Variants in COPB2 observed in about 807,000 individuals in gnomAD.
COPB2 encodes the protein coatomer subunit beta'.
Under a neutral mutation model 120.8 loss-of-function variants are expected in COPB2, and 16 were observed. That is an observed-to-expected ratio of 0.13 (90% CI 0.09 to 0.20). The LOEUF (loss-of-function observed/expected upper bound fraction) is 0.20. Among genes scored for constraint, COPB2 ranks in the 10% least tolerant of loss-of-function variants. COPB2 has a pLI of 1.00. For synonymous variants in COPB2, 332 were observed against 366.3 expected (o/e 0.91, Z 1.07); for missense variants, 794 against 1,076.5 (o/e 0.74, Z 3.67).
Position 139,357,976 on chromosome 3 carries a change from A to G in COPB2, c.2626-18T>C. On this transcript the variant is annotated intron_variant, in intron 21 of 21. Coordinates refer to ENST00000333188, the MANE Select transcript of COPB2 (RefSeq NM_004766.3). Reference sequence around the variant, plus strand: ...AGTAAACTCTGCAGACAAAAGGAAGAGGGTAATTAAGTTTTACAGTACTGT... The same window carrying G: ...AGTAAACTCTGCAGACAAAAGGAAGGGGGTAATTAAGTTTTACAGTACTGT... 2 of 1,456,528 alleles carry G rather than the reference A, an allele frequency of 1.4e-6. No individual in the cohort carries two copies. Among genetic ancestry groups the G allele is most frequent in the Non-Finnish European group, 1.9e-6 (2 of 1,050,604 alleles). The allele number at this position is 1,456,528 out of a possible 1,614,324, so 90.2% of individuals were successfully genotyped here.
At chr3:139,359,390 T>C (rs1941367456) in intron 17 of COPB2, 28 bp from the exon 18 acceptor site, 1 of 1,598,646 alleles carries the variant, frequency 6.3e-7, no homozygotes, top group South Asian at 1.1e-5. Flanking sequence ...GAGGTACTGT[T>C]ACCAAGAATA....
rs1941356175 is a variant in COPB2 at position 139,359,030 on chromosome 3, G to A, written c.2452C>T (p.Leu818=). 1.2e-6 allele frequency: 2 copies of A among 1,613,832 alleles called. No homozygotes were observed. Among genetic ancestry groups the A allele is most frequent in the African/African-American group, 1.3e-5 (1 of 75,020 alleles). Residue 818 remains leucine (L), a synonymous_variant, in exon 19 of 22, where the codon CTG becomes TTG. Coordinates refer to ENST00000333188, the MANE Select transcript of COPB2 (RefSeq NM_004766.3). ...EEWVKETHAD[L]WPAKQYPLVT... The stretch of plus-strand genomic sequence containing the variant: ...AGTGGGTATTGTTTGGCTGGCCACA[G>A]ATCAGCATGTGTTTCCTTCACCCAT...
intron 7 of COPB2, 28 bp downstream of exon 7, chr3:139,374,461 C>G: frequency 6.3e-7 from 1 of 1,578,018 alleles, no homozygotes; most frequent in South Asian, 1.1e-5. Flanking sequence ...GTTACTAGCA[C>G]AGGAATAAAC....
chr3:139,360,227 TAAA>T (rs1363755710), intron 17 of COPB2, among the ~76,000 whole-genome samples: 1 of 149,520 alleles, frequency 6.7e-6, no homozygotes, highest in Non-Finnish European at 1.5e-5. Flanking sequence ...AGGAGAAGGT[TAAA>T]GAATACTTTC....
intron 2 of COPB2, chr3:139,382,086 A>G (rs1433028388): frequency 6.6e-6 from 1 of 152,234 alleles, no homozygotes; most frequent in Non-Finnish European, 1.5e-5. Context: ...GATACAGCAG[A>G]AAACAAAATG....
At chr3:139,374,298 CGATGATGATGATGATGAT>C (rs59409399) in intron 7 of COPB2, 173 bp downstream of exon 7, 1 of 494,550 alleles carries the variant, frequency 2.0e-6, no homozygotes, top group Non-Finnish European at 3.7e-6. Context: ...AGAATGATGA[CGATGATGATGATGATGAT>C]GATGATGATG....
At chr3:139,376,418 T>C (rs987288095) in intron 5 of COPB2, among the ~76,000 whole-genome samples, 7 of 152,214 alleles carry the variant, frequency 4.6e-5, no homozygotes, top group African/African-American at 1.7e-4. Flanking sequence ...GGAGGCCCTG[T>C]GGGGAGTATA....
intron 13 of COPB2, among the ~76,000 whole-genome samples, chr3:139,367,654 A>C (rs188567822): frequency 3.1e-4 from 47 of 152,312 alleles, no homozygotes; most frequent in South Asian, 8.3e-4. Flanking sequence ...AAACAGAAAA[A>C]AAAACAAAAC....
chr3:139,382,572 G>T (rs1576379267), intron 2 of COPB2: 1 of 152,168 alleles, frequency 6.6e-6, no homozygotes, highest in African/African-American at 2.4e-5. Flanking sequence ...TTTACTTCTG[G>T]CTTTGGTTCC....
chr3:139,361,873 A>G (rs1941425556), intron 16 of COPB2, among the ~76,000 whole-genome samples: 1 of 152,220 alleles, frequency 6.6e-6, no homozygotes, highest in South Asian at 2.1e-4. Flanking sequence ...CATTTCTCCC[A>G]CTTGAGCCTC....
At chr3:139,361,023 C>G in intron 17 of COPB2, 58 bp downstream of exon 17, 4 of 1,567,498 alleles carry the variant, frequency 2.6e-6, no homozygotes, top group Non-Finnish European at 3.5e-6. Flanking sequence ...TTCTTCACTT[C>G]CCTCTCCAAA....
At chr3:139,383,202 T>C (rs1941846599) in intron 2 of COPB2, 96 bp downstream of exon 2, 8 of 1,410,984 alleles carry the variant, frequency 5.7e-6, no homozygotes, top group African/African-American at 2.8e-5. Flanking sequence ...AGTTTGCATA[T>C]AGATTCTGGA....
chr3:139,388,345 G>A (rs1941967292), intron 1 of COPB2: 1 of 148,546 alleles, frequency 6.7e-6, no homozygotes, highest in Admixed American at 6.8e-5. Flanking sequence ...ACGCAAATCC[G>A]TGAAGCGTTC....
intron 5 of COPB2, among the ~76,000 whole-genome samples, chr3:139,377,072 T>C (rs1465361376): frequency 3.1e-5 from 2 of 63,924 alleles, no homozygotes; most frequent in Non-Finnish European, 1.4e-4. Context: ...AATATTATGA[T>C]AAAAAAAAGA....
At chr3:139,386,186 T>C (rs545575095) in intron 1 of COPB2, among the ~76,000 whole-genome samples, 7 of 152,290 alleles carry the variant, frequency 4.6e-5, no homozygotes, top group African/African-American at 1.4e-4. Flanking sequence ...CAGAGTTCTC[T>C]GGCTCTTCTC....
At chr3:139,368,789 C>T (rs7373657) in intron 12 of COPB2, among the ~76,000 whole-genome samples, 57,912 of 152,048 alleles carry the variant, frequency 0.38, 13,785 homozygotes, top group Non-Finnish European at 0.53. Flanking sequence ...AACCAGACCC[C>T]AGAAAAGCTG....
intron 1 of COPB2, among the ~76,000 whole-genome samples, chr3:139,388,520 T>C (rs1941977802): frequency 6.7e-6 from 1 of 150,176 alleles, no homozygotes; most frequent in Non-Finnish European, 1.5e-5. Flanking sequence ...TTGCCACAAT[T>C]AACCTTGTAG....
In COPB2 at chr3:139,366,556, A is replaced by C; in HGVS notation, c.1884+12T>G. 1.9e-6 allele frequency: 3 copies of C among 1,574,936 alleles called. No homozygotes were observed. The highest frequency in any genetic ancestry group is 2.6e-6 in the Non-Finnish European group (3 of 1,161,572). On this transcript the variant is annotated intron_variant, in intron 15 of 21. Coordinates refer to ENST00000333188, the MANE Select transcript of COPB2 (RefSeq NM_004766.3). ...TTTTAAAAAACAAAAAGAAAAAAAC[A>C]AAACCTCTTACCTGCTTTTCCAAAA...
At position 139,357,616 on chromosome 3, in the gene COPB2, T is replaced by C. The variant is rs920336193; in HGVS notation, c.*247A>G. On this transcript the variant is annotated 3_prime_UTR_variant, in exon 22 of 22. Transcript: ENST00000333188. Reference sequence around the variant, plus strand: ...TTAATTCAAAAGGTTTTATGAGATATGGTCTAATAGTATGAAAAAAATCAA... The same window carrying C: ...TTAATTCAAAAGGTTTTATGAGATACGGTCTAATAGTATGAAAAAAATCAA... 5 of 332,766 alleles carry C rather than the reference T, an allele frequency of 1.5e-5. No individual in the cohort carries two copies. The highest frequency in any genetic ancestry group is 2.2e-5 in the Non-Finnish European group (4 of 185,008). 20.6% of individuals were successfully genotyped at this position (332,766 alleles called of 1,614,324 possible).
Sources: gnomAD v4.1 joint callset for allele counts (sites outside exome capture counted in the v4.1 genomes callset) on GRCh38, gnomAD v4.1.1 for gene constraint, MANE v1.5 for transcripts, NCBI Gene and HGNC (gene_info 2026-07-23, HGNC 2026-07-21) for gene names.